The following FRMD6 variants were observed in gnomAD, a reference collection of about 807,000 sequenced individuals.
FRMD6 encodes the protein FERM domain containing 6.
Under a neutral mutation model 73.2 loss-of-function variants are expected in FRMD6, and 37 were observed. That is an observed-to-expected ratio of 0.51 (90% CI 0.39 to 0.66). The LOEUF is 0.66. FRMD6 is among the 30% of genes least tolerant of loss of function. The probability of loss-of-function intolerance (pLI) is 0.00; values close to 1 mark genes in which losing one functional copy is unlikely to be tolerated. For missense variants in FRMD6, 714 were observed against 780.5 expected (o/e 0.91, Z 1.02); for synonymous variants, 273 against 282.2 (o/e 0.97, Z 0.33).
chr14:51,582,250 C>T (rs1888766914), intron 2 of FRMD6, among the ~76,000 whole-genome samples: 1 of 152,098 alleles, frequency 6.6e-6, no homozygotes, highest in African/African-American at 2.4e-5. Context: ...AATTATTTTG[C>T]TTTGTTTTTG....
At chr14:51,500,326 A>C (rs896062118) in intron 1 of FRMD6, among the ~76,000 whole-genome samples, 5 of 152,066 alleles carry the variant, frequency 3.3e-5, no homozygotes, top group Admixed American at 6.6e-5. Context: ...CAGGAGTTTG[A>C]GACCAGCTTG....
At chr14:51,683,060 C>T (rs1163622244) in intron 1 of FRMD6, among the ~76,000 whole-genome samples, 2 of 152,170 alleles carry the variant, frequency 1.3e-5, no homozygotes, top group African/African-American at 4.8e-5. Context: ...TCTTTCAGTA[C>T]ATAAAATTTC....
chr14:51,558,757 T>C (rs1032636824), intron 1 of FRMD6, among the ~76,000 whole-genome samples: 2 of 152,222 alleles, frequency 1.3e-5, no homozygotes, highest in Admixed American at 1.3e-4. Flanking sequence ...TTTAACTATT[T>C]GAGAAAATTT....
chr14:51,457,771 A>G, the FRMD6 span, among the ~76,000 whole-genome samples: 1 of 152,228 alleles, frequency 6.6e-6, no homozygotes. Flanking sequence ...TTGGCTTATA[A>G]AAAGCATATT....
intron 2 of FRMD6, among the ~76,000 whole-genome samples, chr14:51,620,115 A>G (rs952184403): frequency 6.6e-6 from 1 of 152,184 alleles, no homozygotes; most frequent in Non-Finnish European, 1.5e-5. Flanking sequence ...CTGTCCTTCT[A>G]CTACTTTGAC....
At chr14:51,490,616 T>G (rs915445120) in intron 1 of FRMD6, among the ~76,000 whole-genome samples, 2 of 148,022 alleles carry the variant, frequency 1.4e-5, no homozygotes, top group Admixed American at 6.7e-5. Flanking sequence ...TGTGTGTATT[T>G]TGTGTGTGTG....
chr14:51,544,655 C>T (rs1054850053), intron 1 of FRMD6, among the ~76,000 whole-genome samples: 11 of 151,198 alleles, frequency 7.3e-5, no homozygotes, highest in South Asian at 2.1e-4. Context: ...TGTGCAAAGA[C>T]GTCTATTATC....
At chr14:51,545,811 C>T (rs1886437219) in intron 1 of FRMD6, among the ~76,000 whole-genome samples, 1 of 152,036 alleles carries the variant, frequency 6.6e-6, no homozygotes, top group Non-Finnish European at 1.5e-5. Context: ...TGTTTGTTTG[C>T]TTTTGTCCCT....
At chr14:51,668,930 A>G (rs553804849) in intron 1 of FRMD6, among the ~76,000 whole-genome samples, 1 of 152,272 alleles carries the variant, frequency 6.6e-6, no homozygotes, top group African/African-American at 2.4e-5. Flanking sequence ...CAGCCTCCCA[A>G]AGTGCTGGGA....
At chr14:51,480,966 T>C in the FRMD6 span, among the ~76,000 whole-genome samples, 1 of 152,330 alleles carries the variant, frequency 6.6e-6, no homozygotes, top group East Asian at 1.9e-4. Flanking sequence ...CTCTAAAAGA[T>C]ATGCTGAAAG....
intron 6 of FRMD6, among the ~76,000 whole-genome samples, chr14:51,706,232 TA>T (rs1304761211): frequency 6.6e-6 from 1 of 152,136 alleles, no homozygotes; most frequent in African/African-American, 2.4e-5. Flanking sequence ...CTTCTATTTT[TA>T]TTGCCATTAG....
At chr14:51,544,095 T>C (rs1304212320) in intron 1 of FRMD6, among the ~76,000 whole-genome samples, 2 of 152,036 alleles carry the variant, frequency 1.3e-5, no homozygotes, top group African/African-American at 4.8e-5. Flanking sequence ...TTGTCCCCCA[T>C]AGCCCCCTTC....
At chr14:51,544,251 G>A (rs1352675026) in intron 1 of FRMD6, among the ~76,000 whole-genome samples, 1 of 151,976 alleles carries the variant, frequency 6.6e-6, no homozygotes, top group African/African-American at 2.4e-5. Flanking sequence ...TTAATGGAAT[G>A]AGGTTTTTAA....
In FRMD6 at chr14:51,589,779, G is replaced by A. The variant is rs142839372; in HGVS notation, c.-147+19369G>A. Among the ~76,000 whole-genome samples, 38 of 152,250 alleles carry A rather than the reference G, an allele frequency of 2.5e-4. No homozygotes were observed. The South Asian group carries it at 4.1e-3, about 17-fold the overall frequency. On this transcript the variant is annotated intron_variant, in intron 2 of 14. Transcript: ENST00000356218. ...AGTCCAGATATCAATAAATGATCAC[G>A]TAAATGAGGCTGTGCATGGTGGCTC...
chr14:51,484,336 C>T (rs1477522179), upstream of FRMD6, among the ~76,000 whole-genome samples: 1 of 152,146 alleles, frequency 6.6e-6, no homozygotes, highest in African/African-American at 2.4e-5. Flanking sequence ...CTGTTAACTC[C>T]AAGAACAAAT....
chr14:51,494,477 T>C (rs1883184120), intron 1 of FRMD6, among the ~76,000 whole-genome samples: 1 of 152,252 alleles, frequency 6.6e-6, no homozygotes, highest in African/African-American at 2.4e-5. Context: ...TTTGGCTTGA[T>C]GCTGTGCCCT....
chr14:51,697,589 TTAA>T (rs1011021967), intron 2 of FRMD6, among the ~76,000 whole-genome samples: 13 of 152,096 alleles, frequency 8.5e-5, no homozygotes, highest in Admixed American at 7.2e-4. Context: ...GTGACTGTAG[TTAA>T]TGATGATGTA....
intron 1 of FRMD6, among the ~76,000 whole-genome samples, chr14:51,541,686 T>G (rs1488781903): frequency 6.6e-6 from 1 of 151,876 alleles, no homozygotes; most frequent in Non-Finnish European, 1.5e-5. Context: ...GAAACAAAAA[T>G]TGCTGAAAAC....
intron 2 of FRMD6, among the ~76,000 whole-genome samples, chr14:51,631,477 A>G (rs1431362473): frequency 6.6e-6 from 1 of 152,186 alleles, no homozygotes; most frequent in Non-Finnish European, 1.5e-5. Flanking sequence ...GTCTACTTTC[A>G]TTAGTTCTGT....
Sources: allele counts gnomAD v4.1 joint callset (sites outside exome capture counted in the v4.1 genomes callset), GRCh38; gene constraint gnomAD v4.1.1; transcripts MANE v1.5; gene names NCBI Gene and HGNC (gene_info 2026-07-23, HGNC 2026-07-21).